ADAMTS6: variants seen among roughly 807,000 people sequenced by gnomAD.
ADAMTS6 encodes the protein A disintegrin and metalloproteinase with thrombospondin motifs 6.
In ADAMTS6, 23 loss-of-function variants were observed where a neutral mutation model predicts 144.3. That is an observed-to-expected ratio of 0.16 (90% confidence interval 0.11 to 0.23). The LOEUF (loss-of-function observed/expected upper bound fraction) is 0.23, where lower values mean the gene tolerates loss of function less well. Ranked by LOEUF, ADAMTS6 falls within the 10% of genes least tolerant of loss-of-function variation. The pLI, the probability that ADAMTS6 is intolerant of heterozygous loss-of-function variation, is 1.00. For synonymous variants in ADAMTS6, 444 were observed against 457.5 expected (o/e 0.97, Z 0.38); for missense variants, 999 against 1,379.6 (o/e 0.72, Z 4.37).
chr5:65,467,754 G>T (rs929198305), intron 3 of ADAMTS6, among the ~76,000 whole-genome samples: 1 of 152,108 alleles, frequency 6.6e-6, no homozygotes, highest in Non-Finnish European at 1.5e-5. Flanking sequence ...CTTTCCAGTC[G>T]CTGTTCTGAG....
At chr5:65,232,732 G>A (rs533639723) in intron 15 of ADAMTS6, among the ~76,000 whole-genome samples, 12 of 150,346 alleles carry the variant, frequency 8.0e-5, no homozygotes, top group Non-Finnish European at 1.6e-4. Flanking sequence ...ATAAAAGTGC[G>A]ATACCTTATA....
At position 65,294,637 on chromosome 5, in the gene ADAMTS6, CTAAT is replaced by C. The variant is rs1742654832; in HGVS notation, c.1371-3171_1371-3168del. On this transcript the variant is annotated intron_variant, in intron 10 of 24. Coordinates refer to ENST00000381055, the MANE Select transcript of ADAMTS6 (RefSeq NM_197941.4). ...GCCTATAGATGATAATTATTAGTTA[CTAAT>C]TAATTCTTAAAATAATTCTGGATAT... 2.6e-5 allele frequency among the ~76,000 whole-genome samples: 4 copies of C among 152,266 alleles called. No homozygotes were observed. In the South Asian group the frequency reaches 8.3e-4, roughly 32 times the overall value.
At chr5:65,175,962 T>C (rs1339905593) in intron 22 of ADAMTS6, among the ~76,000 whole-genome samples, 1 of 152,034 alleles carries the variant, frequency 6.6e-6, no homozygotes, top group African/African-American at 2.4e-5. Context: ...AATCCCAAAC[T>C]TAAAAGGTTT....
At chr5:65,306,349 G>T (rs1222826057) in intron 9 of ADAMTS6, among the ~76,000 whole-genome samples, 1 of 152,214 alleles carries the variant, frequency 6.6e-6, no homozygotes, top group Non-Finnish European at 1.5e-5. Flanking sequence ...GGGTTTTATT[G>T]TGAGTGTATG....
rs116065488 is a variant in ADAMTS6 at position 65,475,539 on chromosome 5, T to C, written c.-279-1587A>G. On this transcript the variant is annotated intron_variant, in intron 1 of 24. Transcript: ENST00000381055. Reference sequence around the variant, plus strand: ...GCCGTAATAAGGTCGTGCAAAGTTGTTGCAGGAGATCAGATGAGGGAGATG... The same window carrying C: ...GCCGTAATAAGGTCGTGCAAAGTTGCTGCAGGAGATCAGATGAGGGAGATG... Among the ~76,000 whole-genome samples, 384 of 152,310 alleles carry C rather than the reference T, an allele frequency of 2.5e-3. 1 individual carries two copies. Among genetic ancestry groups the C allele is most frequent in the African/African-American group, 8.6e-3 (356 of 41,564 alleles).
chr5:65,320,111 A>T (rs1580383777), intron 9 of ADAMTS6, among the ~76,000 whole-genome samples: 1 of 152,152 alleles, frequency 6.6e-6, no homozygotes, highest in Non-Finnish European at 1.5e-5. Flanking sequence ...CCAAAGTGCT[A>T]GGATTACAGG....
rs761575652 is a variant in ADAMTS6 at position 65,172,901 on chromosome 5, A to G, written c.3018T>C (p.Pro1006=). The change falls in exon 23 of 25, where the codon CCT becomes CCC. Residue 1006 remains proline (P), a synonymous_variant. Transcript: ENST00000381055. ...CCAAACTGCAGCGGATGCGGACAGG[A>G]GGTTTGCTTTCCTCTGGACATTGTG... The part of the protein sequence containing the change: ...PAAQCPEESK[P]PVRIRCSLGR... The G allele has an allele frequency of 6.2e-7, 1 of 1,614,090 alleles. No homozygotes were observed.
At chr5:65,225,987 C>T in intron 16 of ADAMTS6, 99 bp downstream of exon 16, 2 of 1,287,582 alleles carry the variant, frequency 1.6e-6, no homozygotes, top group African/African-American at 1.5e-5. Context: ...AATGTGGTCC[C>T]CTTTTTTTAA....
At chr5:65,368,719 GC>G (rs890757896) in intron 7 of ADAMTS6, among the ~76,000 whole-genome samples, 5 of 152,146 alleles carry the variant, frequency 3.3e-5, no homozygotes, top group African/African-American at 1.2e-4. Context: ...CACTACACCT[GC>G]CCTTGGACTG....
chr5:65,263,001 G>A (rs1332141482), intron 12 of ADAMTS6, 39 bp from the exon 13 acceptor site: 1 of 1,612,548 alleles, frequency 6.2e-7, no homozygotes, highest in Non-Finnish European at 8.5e-7. Flanking sequence ...TAGCTTTTAG[G>A]CAGATAGAGC....
chr5:65,398,826 AAGAAAGAAAGAAAGAAAGAAAGAAAAAG>A (rs1213137883), intron 7 of ADAMTS6, among the ~76,000 whole-genome samples: 27 of 149,416 alleles, frequency 1.8e-4, no homozygotes, highest in African/African-American at 5.6e-4. Flanking sequence ...GAAAGAAAGA[AAGAAAGAAAGAAAGAAAGAAAGAAAAAG>A]AAAGAGAAAG....
rs1457891201 is a variant in ADAMTS6 at position 65,419,559 on chromosome 5, A to G, written c.1073+31916T>C. 2.0e-5 allele frequency among the ~76,000 whole-genome samples: 3 copies of G among 152,328 alleles called. No individual in the cohort carries two copies. The East Asian group carries it at 5.8e-4, about 29-fold the overall frequency. On this transcript the variant is annotated intron_variant, in intron 7 of 24. Transcript: ENST00000381055. ...ACTCCTGAATCTAAAATAAATATAG[A>G]AAAAATTTTAAAAAGAAAAATATTT...
rs1432894923 is a variant in ADAMTS6, at chr5:65,205,260, G to A, written c.2576-8109C>T. 3.9e-5 allele frequency among the ~76,000 whole-genome samples: 6 copies of A among 152,194 alleles called. No homozygotes were observed. The South Asian group carries it at 8.3e-4, about 21-fold the overall frequency. ...AGTCATTATTTTTGTTATTACGTCC[G>A]TAAAACATAAGTCTCAGAACCCTTG... On this transcript the variant is annotated intron_variant, in intron 20 of 24. Transcript: ENST00000381055.
chr5:65,328,076 A>G (rs1289830853), intron 9 of ADAMTS6, among the ~76,000 whole-genome samples: 1 of 152,130 alleles, frequency 6.6e-6, no homozygotes, highest in Non-Finnish European at 1.5e-5. Flanking sequence ...CCAATATTTT[A>G]AAGTCTTCAT....
intron 9 of ADAMTS6, among the ~76,000 whole-genome samples, chr5:65,314,684 A>G (rs1448843762): frequency 2.0e-5 from 3 of 152,184 alleles, no homozygotes; most frequent in African/African-American, 2.4e-5. Flanking sequence ...TGGAGAAACA[A>G]GAATAGAAAT....
At chr5:65,424,462 C>T (rs1345663521) in intron 7 of ADAMTS6, among the ~76,000 whole-genome samples, 1 of 152,162 alleles carries the variant, frequency 6.6e-6, no homozygotes, top group Non-Finnish European at 1.5e-5. Context: ...AAAATAAGTA[C>T]ACAAAGTTAA....
At chr5:65,192,622 C>T (rs981543794) in intron 21 of ADAMTS6, among the ~76,000 whole-genome samples, 1 of 149,880 alleles carries the variant, frequency 6.7e-6, no homozygotes, top group Non-Finnish European at 1.5e-5. Context: ...TAGCTTCTTA[C>T]CAATCATATC....
At chr5:65,348,452 C>G (rs569924945) in intron 7 of ADAMTS6, among the ~76,000 whole-genome samples, 1 of 152,118 alleles carries the variant, frequency 6.6e-6, no homozygotes, top group East Asian at 1.9e-4. Flanking sequence ...TCCAAAATAT[C>G]TCAACTCATA....
chr5:65,358,607 G>A (rs373883755), intron 7 of ADAMTS6, among the ~76,000 whole-genome samples: 4 of 151,988 alleles, frequency 2.6e-5, no homozygotes, highest in South Asian at 2.1e-4. Context: ...TGAAGGCATC[G>A]CACTACCTCA....
Sources: gnomAD v4.1 joint callset for allele counts (sites outside exome capture counted in the v4.1 genomes callset) on GRCh38, gnomAD v4.1.1 for gene constraint, MANE v1.5 for transcripts, NCBI Gene and HGNC (gene_info 2026-07-23, HGNC 2026-07-21) for gene names.